The following NEFM variants were observed in gnomAD, a reference collection of about 807,000 sequenced individuals.
NEFM encodes the protein neurofilament medium polypeptide.
NEFM carries 16 observed loss-of-function variants against 48.1 expected under a neutral mutation model. The ratio of observed to expected loss-of-function variants is 0.33; its 90% CI spans 0.23 to 0.51. NEFM has a LOEUF of 0.51. Among genes scored for constraint, NEFM ranks in the 20% least tolerant of loss-of-function variants. The probability of loss-of-function intolerance (pLI) is 0.98; values close to 1 mark genes in which losing one functional copy is unlikely to be tolerated. For missense variants in NEFM, 1,107 were observed against 1,136.0 expected, an observed-to-expected ratio of 0.97 and a Z score of 0.37; for synonymous variants, 465 against 456.9, an observed-to-expected ratio of 1.02 and a Z score of -0.23.
At position 24,914,292 on chromosome 8, in the gene NEFM, G is replaced by C; in HGVS notation, c.499G>C (p.Glu167Gln). Residue 167 changes from glutamate (E) to glutamine (Q), a missense_variant, in exon 1 of 3, where the codon GAG becomes CAG. Physicochemically the swap from Glu to Gln is conservative, Grantham distance 29 (BLOSUM62 2). Transcript: ENST00000221166. ...LRATLEMVNHEKAQVQLDSDH... is the reference protein window; with the variant it reads ...LRATLEMVNHQKAQVQLDSDH... ...CGCCACCCTGGAGATGGTGAACCAC[G>C]AGAAGGCTCAGGTGCAGCTGGACTC... The C allele has an allele frequency of 6.2e-7, 1 of 1,613,130 alleles. No homozygotes were observed.
At position 24,917,247 on chromosome 8, in the gene NEFM, T is replaced by G; in HGVS notation, c.1392T>G (p.Asp464Glu). The G allele has an allele frequency of 6.2e-7, 1 of 1,613,828 alleles. No individual in the cohort carries two copies. The highest frequency in any genetic ancestry group is 8.5e-7 in the Non-Finnish European group (1 of 1,179,976). Reference sequence around the variant, plus strand: ...TCATAGAGGAAACCAAAGTGGAGGATGAGAAGTCAGAAATGGAAGAGGCCC... The same window carrying G: ...TCATAGAGGAAACCAAAGTGGAGGAGGAGAAGTCAGAAATGGAAGAGGCCC... ...EEIIEETKVE[D>E]EKSEMEEALT... Residue 464 changes from aspartate to glutamate, a missense_variant, in exon 3 of 3, where the codon GAT becomes GAG. Asp to Glu is a conservative substitution (Grantham distance 45). Coordinates refer to ENST00000221166, the MANE Select transcript of NEFM (RefSeq NM_005382.2).
Position 24,917,446 on chromosome 8 carries a change from G to C in NEFM, c.1591G>C (p.Glu531Gln). 2 of 1,555,752 alleles carry C rather than the reference G, an allele frequency of 1.3e-6. No individual in the cohort carries two copies. The highest frequency in any genetic ancestry group is 8.7e-7 in the Non-Finnish European group (1 of 1,149,130). Reference protein sequence around the residue: ...KEEEGEKEEEEGQEEEEEEDE... With the variant: ...KEEEGEKEEEQGQEEEEEEDE... ...AGAGGAAGGGGAAAAGGAGGAAGAA[G>C]AAGGCCAGGAAGAAGAGGAGGAAGA... Residue 531 changes from glutamate to glutamine, a missense_variant, in exon 3 of 3, where the codon GAA becomes CAA. Coordinates refer to ENST00000221166, the MANE Select transcript of NEFM (RefSeq NM_005382.2).
intron 1 of NEFM, chr8:24,915,234 G>A: frequency 7.9e-7 from 1 of 1,264,890 alleles, no homozygotes; most frequent in Non-Finnish European, 1.0e-6. Context: ...CTACTTTTCC[G>A]GCAGTGATCG....
chr8:24,914,983 C>A (rs1802551078), intron 1 of NEFM, 110 bp downstream of exon 1: 8 of 1,419,298 alleles, frequency 5.6e-6, no homozygotes, highest in East Asian at 5.4e-5. Flanking sequence ...GGTGGCCGCT[C>A]GCTAGAGCAC....
At chr8:24,916,912 T>TA in intron 2 of NEFM, 149 bp from the exon 3 acceptor site, 1 of 752,628 alleles carries the variant, frequency 1.3e-6, no homozygotes, top group Non-Finnish European at 2.4e-6. Context: ...CAGTAAGTGA[T>TA]AGCAGGTATT....
rs1802541468 is a variant in NEFM, at chr8:24,914,465, G to A, written c.672G>A (p.Val224=). The change falls in exon 1 of 3, where the codon GTG becomes GTA. Residue 224 remains valine (V), a synonymous_variant. Coordinates refer to ENST00000221166, the MANE Select transcript of NEFM (RefSeq NM_005382.2). Reference sequence around the variant, plus strand: ...TCAAGGTGGAGCTGGACAAGAAGGTGCAGTCGCTGCAGGATGAGGTGGCCT... The same window carrying A: ...TCAAGGTGGAGCTGGACAAGAAGGTACAGTCGCTGCAGGATGAGGTGGCCT... ...SLVKVELDKK[V]QSLQDEVAFL... 6.2e-7 allele frequency: 1 copy of A among 1,613,814 alleles called. No individual in the cohort carries two copies. The highest frequency in any genetic ancestry group is 8.5e-7 in the Non-Finnish European group (1 of 1,180,040).
rs746060856 is a variant in NEFM, at chr8:24,913,990, C to G, written c.197C>G (p.Ala66Gly). 2 of 1,611,782 alleles carry G rather than the reference C, an allele frequency of 1.2e-6. No homozygotes were observed. The highest frequency in any genetic ancestry group is 1.7e-6 in the Non-Finnish European group (2 of 1,179,886). ...MLAPRLAYSS[A>G]MLSSAESSLD... is the part of the protein sequence containing the mutation. ...GCCCCGCGCCTCGCTTACAGCTCGG[C>G]CATGCTCAGCTCCGCCGAGAGCAGC... Residue 66 changes from alanine (A) to glycine (G), a missense_variant, in exon 1 of 3, where the codon GCC (alanine) becomes GGC (glycine). Physicochemically the swap from Ala to Gly is moderately conservative, Grantham distance 60. Coordinates refer to ENST00000221166, the MANE Select transcript of NEFM (RefSeq NM_005382.2).
In NEFM at chr8:24,914,180, T is replaced by G. The variant is rs59062625; in HGVS notation, c.387T>G (p.Ile129Met). ...ACCTGGAGCAGCAGAATAAGGAGAT[T>G]GAGGCGGAGATCCAGGCGCTGCGGC... ...VHYLEQQNKE[I>M]EAEIQALRQK... The change falls in exon 1 of 3, where the codon ATT becomes ATG. Residue 129 changes from isoleucine to methionine, a missense_variant. Around this residue, in one of 3 missense-constraint regions of NEFM, gnomAD observed 186 missense variants for 200.6 expected, o/e 0.93. Coordinates refer to ENST00000221166, the MANE Select transcript of NEFM (RefSeq NM_005382.2). 1,410 of 1,612,350 alleles carry G rather than the reference T, an allele frequency of 8.7e-4. 5 individuals carry two copies. Among genetic ancestry groups the G allele is most frequent in the Non-Finnish European group, 5.1e-4 (607 of 1,179,500 alleles).
In NEFM at chr8:24,918,828, T is replaced by G; in HGVS notation, c.*222T>G. 1 of 533,236 alleles carries G rather than the reference T, an allele frequency of 1.9e-6. No homozygotes were observed. Among genetic ancestry groups the G allele is most frequent in the Non-Finnish European group, 3.4e-6 (1 of 296,946 alleles). The allele number at this position is 533,236 out of a possible 1,614,324, so 33.0% of individuals were successfully genotyped here. A position where few individuals can be genotyped will look rare whatever the true frequency, so the allele number is the denominator to read the frequency against. ...GTACCTGGGAAATTTGCCGATTTCC[T>G]AAGCTGTTGGAAGGGGGTCACTTAA... On this transcript the variant is annotated 3_prime_UTR_variant, in exon 3 of 3. Transcript: ENST00000221166.
intron 2 of NEFM, 122 bp downstream of exon 2, chr8:24,915,851 T>C: frequency 8.0e-7 from 1 of 1,253,038 alleles, no homozygotes; most frequent in Non-Finnish European, 1.1e-6. Flanking sequence ...CACCTGGTTA[T>C]CTTGCTTACT....
rs182011677 is a variant in NEFM, at chr8:24,913,813, C to T, written c.20C>T (p.Ser7Leu). MSYTLD[S>L]LGNPSAYRRV... is the part of the protein sequence containing the mutation. ...TCCAAGATGAGCTACACGTTGGACT[C>T]GCTGGGCAACCCGTCCGCCTACCGG... The change falls in exon 1 of 3, where the codon TCG (serine) becomes TTG (leucine). Residue 7 changes from serine to leucine, a missense_variant. By Grantham distance (145) the Ser-to-Leu change is moderately radical (BLOSUM62 -2). Around this residue, in one of 3 missense-constraint regions of NEFM, gnomAD observed 186 missense variants for 200.6 expected, o/e 0.93. Coordinates refer to ENST00000221166, the MANE Select transcript of NEFM (RefSeq NM_005382.2). 4 of 1,609,580 alleles carry T rather than the reference C, an allele frequency of 2.5e-6. No homozygotes were observed. The African/African-American group carries it at 4.0e-5, about 16-fold the overall frequency.
chr8:24,913,970 G>A lies in NEFM; in HGVS notation c.177G>A (p.Pro59=). The A allele has an allele frequency of 6.2e-7, 1 of 1,608,778 alleles. No homozygotes were observed. Among genetic ancestry groups the A allele is most frequent in the Non-Finnish European group, 8.5e-7 (1 of 1,178,702 alleles). The stretch of plus-strand genomic sequence containing the variant: ...CCTATAAGCGCAGCATGCTCGCCCC[G>A]CGCCTCGCTTACAGCTCGGCCATGC... ...SSSYKRSMLA[P]RLAYSSAMLS... is the part of the protein sequence containing the mutation. Residue 59 remains proline (P), a synonymous_variant, in exon 1 of 3, where the codon CCG becomes CCA. Coordinates refer to ENST00000221166, the MANE Select transcript of NEFM (RefSeq NM_005382.2).
intron 2 of NEFM, among the ~76,000 whole-genome samples, chr8:24,915,998 T>A (rs1452911234): frequency 6.6e-6 from 1 of 152,264 alleles, no homozygotes; most frequent in Non-Finnish European, 1.5e-5. Context: ...ATGCACATGC[T>A]TAAACTTTTT....
intron 1 of NEFM, 25 bp from the exon 2 acceptor site, chr8:24,915,580 G>C: frequency 6.2e-7 from 1 of 1,614,002 alleles, no homozygotes; most frequent in East Asian, 2.2e-5. Flanking sequence ...GATGAGTCTG[G>C]GGAGATTCTC....
At position 24,918,657 on chromosome 8, in the gene NEFM, T is replaced by C; in HGVS notation, c.*51T>C. The C allele has an allele frequency of 7.5e-7, 1 of 1,325,590 alleles. No individual in the cohort carries two copies. The highest frequency in any genetic ancestry group is 1.1e-6 in the Non-Finnish European group (1 of 926,370). 82.1% of individuals were successfully genotyped at this position (1,325,590 alleles called of 1,614,324 possible). The stretch of plus-strand genomic sequence containing the variant: ...AGCCATATGACAATTTCAAAATGCA[T>C]GTGATTGGCAGCTTCAAAACAGAAC... On this transcript the variant is annotated 3_prime_UTR_variant, in exon 3 of 3. Transcript: ENST00000221166.
In NEFM at chr8:24,914,625, G is replaced by A. The variant is rs1313276550; in HGVS notation, c.832G>A (p.Glu278Lys). Residue 278 changes from glutamate (E) to lysine (K), a missense_variant, in exon 1 of 3, where the codon GAA becomes AAA. Transcript: ENST00000221166. ...TALKEIRSQLESHSDQNMHQA... is the reference protein window; with the variant it reads ...TALKEIRSQLKSHSDQNMHQA... ...GCTGAAGGAAATCCGCTCCCAGCTC[G>A]AAAGCCACTCAGACCAGAATATGCA... The A allele has an allele frequency of 1.2e-6, 2 of 1,614,202 alleles. No individual in the cohort carries two copies. Among genetic ancestry groups the A allele is most frequent in the Non-Finnish European group, 1.7e-6 (2 of 1,180,050 alleles).
intron 2 of NEFM, 126 bp downstream of exon 2, chr8:24,915,855 G>T (rs1586107879): frequency 1.6e-6 from 2 of 1,237,622 alleles, no homozygotes; most frequent in African/African-American, 3.0e-5. Flanking sequence ...TGGTTATCTT[G>T]CTTACTTAAA....
At position 24,914,005 on chromosome 8, in the gene NEFM, C is replaced by CCGAGAG. The variant is rs1417552499; in HGVS notation, c.214_219dup (p.Glu72_Ser73dup). 7 of 1,612,266 alleles carry CCGAGAG rather than the reference C, an allele frequency of 4.3e-6. No individual in the cohort carries two copies. Among genetic ancestry groups the CCGAGAG allele is most frequent in the Non-Finnish European group, 5.9e-6 (7 of 1,179,964 alleles). ...TACAGCTCGGCCATGCTCAGCTCCG[C>CCGAGAG]CGAGAGCAGCCTTGACTTCAGCCAG... On this transcript the variant is annotated inframe_insertion, in exon 1 of 3. Transcript: ENST00000221166.
chr8:24,915,565 G>C, intron 1 of NEFM, 40 bp from the exon 2 acceptor site: 1 of 1,613,138 alleles, frequency 6.2e-7, no homozygotes, highest in Non-Finnish European at 8.5e-7. Flanking sequence ...GTTGCTGTTT[G>C]CAAGGATGAG....
Sources: gnomAD v4.1 joint callset for allele counts (sites outside exome capture counted in the v4.1 genomes callset) on GRCh38, gnomAD v4.1.1 for gene constraint, gnomAD v4.1.1 regional missense constraint, MANE v1.5 for transcripts, NCBI Gene and HGNC (gene_info 2026-07-23, HGNC 2026-07-21) for gene names.